TUBGCP5: variants seen among roughly 807,000 people sequenced by gnomAD.
TUBGCP5 encodes the protein tubulin gamma complex component 5.
In TUBGCP5, 98 loss-of-function variants were observed where a neutral mutation model predicts 134.7. The ratio of observed to expected loss-of-function variants is 0.73; its 90% CI spans 0.62 to 0.86. The LOEUF (loss-of-function observed/expected upper bound fraction) is 0.86, where lower values mean the gene tolerates loss of function less well. TUBGCP5 is among the 40% of genes least tolerant of loss of function. TUBGCP5 has a pLI of 0.00. For synonymous variants in TUBGCP5, 456 were observed against 431.4 expected (o/e 1.06, Z -0.71); for missense variants, 1,150 against 1,244.8 (o/e 0.92, Z 1.15).
At chr15:22,991,379 A>G (rs1395947782) in intron 23 of TUBGCP5, among the ~76,000 whole-genome samples, 40 of 152,170 alleles carry the variant, frequency 2.6e-4, no homozygotes, top group Admixed American at 2.6e-3. Flanking sequence ...TACAGGTGTG[A>G]GCCACCATGC....
chr15:23,003,161 C>A lies in TUBGCP5; in HGVS notation c.2839-8G>T. 6.2e-7 allele frequency: 1 copy of A among 1,613,902 alleles called. No individual in the cohort carries two copies. Among genetic ancestry groups the A allele is most frequent in the Non-Finnish European group, 8.5e-7 (1 of 1,179,782 alleles). On this transcript the variant is annotated splice_region_variant and splice_polypyrimidine_tract_variant and intron_variant, in intron 20 of 22. Coordinates refer to ENST00000615383, the MANE Select transcript of TUBGCP5 (RefSeq NM_052903.6). Reference sequence around the variant, plus strand: ...TTCTTTCACAAAGCTGACCTGCAGACCAAAGTCACAGAACACAAACTGTGT... The same window carrying A: ...TTCTTTCACAAAGCTGACCTGCAGAACAAAGTCACAGAACACAAACTGTGT...
At chr15:22,998,651 G>T (rs1935416606), downstream of TUBGCP5, among the ~76,000 whole-genome samples, 1 of 151,712 alleles carries the variant, frequency 6.6e-6, no homozygotes, top group South Asian at 2.1e-4. Context: ...GTCTTGCTCT[G>T]TCACCCAGGA....
chr15:23,003,477 T>C (rs1160308599), intron 20 of TUBGCP5, among the ~76,000 whole-genome samples: 4 of 152,164 alleles, frequency 2.6e-5, no homozygotes, highest in South Asian at 2.1e-4. Context: ...CTGAATTCTA[T>C]CTATTCACAT....
intron 22 of TUBGCP5, chr15:23,000,160 A>G (rs576637104): frequency 7.6e-5 from 56 of 740,530 alleles, no homozygotes; most frequent in Non-Finnish European, 1.0e-4. Flanking sequence ...GATTCACTCA[A>G]CCTCCCAAAG....
intron 1 of TUBGCP5, among the ~76,000 whole-genome samples, chr15:23,039,005 G>A (rs1046728288): frequency 2.6e-5 from 4 of 151,468 alleles, no homozygotes; most frequent in South Asian, 2.1e-4. Flanking sequence ...GGGAGCAGGA[G>A]TCAGTGAGAA....
intron 21 of TUBGCP5, among the ~76,000 whole-genome samples, chr15:23,002,139 C>CA (rs1266337092): frequency 0.011 from 1,066 of 95,842 alleles, 10 homozygotes; most frequent in African/African-American, 0.037. Context: ...CAAAGTGAGA[C>CA]AAAAAAAAAA....
intron 23 of TUBGCP5, among the ~76,000 whole-genome samples, chr15:22,984,775 A>T (rs894152733): frequency 6.6e-6 from 1 of 152,220 alleles, no homozygotes; most frequent in African/African-American, 2.4e-5. Flanking sequence ...TAAAGATACA[A>T]AGCTTCTAGA....
intron 6 of TUBGCP5, among the ~76,000 whole-genome samples, chr15:23,029,894 G>C (rs895763609): frequency 7.4e-6 from 1 of 134,752 alleles, no homozygotes; most frequent in African/African-American, 3.3e-5. Flanking sequence ...AAAAGGGGGT[G>C]GGGGGGAAGA....
At chr15:23,020,639 A>G (rs993847676) in intron 11 of TUBGCP5, among the ~76,000 whole-genome samples, 1 of 152,030 alleles carries the variant, frequency 6.6e-6, no homozygotes, top group South Asian at 2.1e-4. Context: ...AATTGGTGTG[A>G]AAAAAAGTTA....
At chr15:23,016,969 G>GATATATATATATATAT (rs57631069) in intron 13 of TUBGCP5, among the ~76,000 whole-genome samples, 2,195 of 109,268 alleles carry the variant, frequency 0.02, 132 homozygotes, top group South Asian at 0.04. Context: ...AAAATTGTGA[G>GATATATATATATATAT]ATATATATAT....
intron 21 of TUBGCP5, among the ~76,000 whole-genome samples, chr15:23,001,438 G>A (rs1466669220): frequency 6.6e-6 from 1 of 151,506 alleles, no homozygotes; most frequent in African/African-American, 2.4e-5. Context: ...TCTGCCTCCT[G>A]GGTTCAGCAA....
intron 22 of TUBGCP5, 36 bp from the exon 23 acceptor site, chr15:22,999,902 G>A (rs775728877): frequency 3.9e-5 from 63 of 1,604,216 alleles, no homozygotes; most frequent in Non-Finnish European, 5.2e-5. Context: ...AAAACAATAG[G>A]TTTAAATGTT....
At chr15:23,031,319 C>CTT (rs950599993) in intron 5 of TUBGCP5, among the ~76,000 whole-genome samples, 1 of 144,568 alleles carries the variant, frequency 6.9e-6, no homozygotes, top group Non-Finnish European at 1.5e-5. Flanking sequence ...CTTTTAACTT[C>CTT]TTTTTTTTTT....
intron 10 of TUBGCP5, chr15:23,023,357 C>G (rs1428656092): frequency 1.3e-5 from 2 of 151,366 alleles, no homozygotes; most frequent in African/African-American, 2.4e-5. Flanking sequence ...AAAGAACCTA[C>G]CCTACAGATA....
In TUBGCP5 at chr15:23,036,878, C is replaced by G. The variant is rs191350739; in HGVS notation, c.309+19G>C. 3.5e-6 allele frequency: 5 copies of G among 1,435,658 alleles called. No individual in the cohort carries two copies. Among genetic ancestry groups the G allele is most frequent in the Non-Finnish European group, 4.9e-6 (5 of 1,026,118 alleles). The allele number at this position is 1,435,658 out of a possible 1,614,324, so 88.9% of individuals were successfully genotyped here. A position where few individuals can be genotyped will look rare whatever the true frequency, so the allele number is the denominator to read the frequency against. ...AAACAGTAAAATACACAGTGGAGATCTCATAATTGAAGGCATACCTTTATT... is the reference window on the plus strand; with the variant it reads ...AAACAGTAAAATACACAGTGGAGATGTCATAATTGAAGGCATACCTTTATT... On this transcript the variant is annotated intron_variant, in intron 3 of 22. Transcript: ENST00000615383.
intron 19 of TUBGCP5, 36 bp downstream of exon 19, chr15:23,005,396 G>A (rs1454720162): frequency 2.5e-6 from 4 of 1,604,732 alleles, no homozygotes; most frequent in East Asian, 2.2e-5. Context: ...GTATAGATAC[G>A]ACGATAGAAC....
chr15:22,990,539 G>A (rs902539608), intron 23 of TUBGCP5, among the ~76,000 whole-genome samples: 3 of 152,134 alleles, frequency 2.0e-5, no homozygotes, highest in African/African-American at 4.8e-5. Flanking sequence ...AGCTCTCCCC[G>A]AGCAGGAAAC....
At position 23,017,804 on chromosome 15, in the gene TUBGCP5, C is replaced by T. The variant is rs754562444; in HGVS notation, c.1725G>A (p.Ala575=). ...SMQLLKNLQC[A]ESTTCQAGAR... The stretch of plus-strand genomic sequence containing the variant: ...CTCCTGCCTGGCAGGTGGTGCTCTC[C>T]GCACACTGCAGGTTCTTCAGCAGCT... The change falls in exon 13 of 23, where the codon GCG becomes GCA. Residue 575 remains alanine (A), a synonymous_variant. Coordinates refer to ENST00000615383, the MANE Select transcript of TUBGCP5 (RefSeq NM_052903.6). 2.5e-6 allele frequency: 4 copies of T among 1,613,832 alleles called. No homozygotes were observed. Among genetic ancestry groups the T allele is most frequent in the Admixed American group, 1.7e-5 (1 of 59,994 alleles).
At chr15:22,998,643 C>A (rs2140385604), downstream of TUBGCP5, among the ~76,000 whole-genome samples, 1 of 150,042 alleles carries the variant, frequency 6.7e-6, no homozygotes, top group South Asian at 2.1e-4. Flanking sequence ...TTTTCGGAGT[C>A]TTGCTCTGTC....
Sources: gnomAD v4.1 joint callset for allele counts (sites outside exome capture counted in the v4.1 genomes callset) on GRCh38, gnomAD v4.1.1 for gene constraint, MANE v1.5 for transcripts, NCBI Gene and HGNC (gene_info 2026-07-23, HGNC 2026-07-21) for gene names.